MSRA: variants seen among roughly 807,000 people sequenced by gnomAD.
The protein encoded by MSRA is mitochondrial peptide methionine sulfoxide reductase.
In MSRA, 54 loss-of-function variants were observed where a neutral mutation model predicts 31.3. The observed-to-expected ratio is 1.73, with a 90% CI of 1.39 to 2.17. The LOEUF is 2.17. Among genes scored for constraint, MSRA ranks in the 30% most tolerant of loss-of-function variants. MSRA has a pLI of 0.00. For missense variants in MSRA, 507 were observed against 300.9 expected (o/e 1.69, Z -5.07); for synonymous variants, 169 against 116.5 (o/e 1.45, Z -2.90).
chr8:10,084,418 G>T (rs770727889), intron 1 of MSRA, among the ~76,000 whole-genome samples: 5 of 152,216 alleles, frequency 3.3e-5, no homozygotes, highest in Non-Finnish European at 5.9e-5. Flanking sequence ...TAGTCTTCTG[G>T]TCTCTTCTTC....
rs548765785 is a variant in MSRA, at chr8:10,228,068, G to A, written c.212-17036G>A. Among the ~76,000 whole-genome samples the A allele has an allele frequency of 3.9e-5, 6 of 152,288 alleles. No individual in the cohort carries two copies. In the South Asian group the frequency reaches 1.2e-3, roughly 32 times the overall value. ...AGCTGACCAGAAGAGACTTACTCCA[G>A]GCCACCAAGATGGTGTCTGGGAATG... On this transcript the variant is annotated intron_variant, in intron 2 of 5. Coordinates refer to ENST00000317173, the MANE Select transcript of MSRA (RefSeq NM_012331.5).
At chr8:10,272,920 T>A (rs1034045903) in intron 3 of MSRA, among the ~76,000 whole-genome samples, 2 of 152,150 alleles carry the variant, frequency 1.3e-5, no homozygotes, top group African/African-American at 4.8e-5. Context: ...TAGGAGAAAC[T>A]GCACAAGTTA....
At chr8:10,287,094 C>G (rs540343125) in intron 3 of MSRA, among the ~76,000 whole-genome samples, 1 of 152,168 alleles carries the variant, frequency 6.6e-6, no homozygotes, top group African/African-American at 2.4e-5. Context: ...GGGGCTCCTA[C>G]ATTAATTACT....
chr8:10,121,385 C>T (rs1395572066), intron 1 of MSRA, among the ~76,000 whole-genome samples: 1 of 152,104 alleles, frequency 6.6e-6, no homozygotes, highest in Non-Finnish European at 1.5e-5. Context: ...TTGTCATGGC[C>T]CCCACCTACC....
chr8:10,140,916 A>C (rs188313955), intron 1 of MSRA, among the ~76,000 whole-genome samples: 2 of 152,358 alleles, frequency 1.3e-5, no homozygotes, highest in African/African-American at 4.8e-5. Context: ...AAGAAAAAAA[A>C]TCAAGGACTC....
chr8:10,062,174 C>T (rs1209375376), intron 1 of MSRA, among the ~76,000 whole-genome samples: 1 of 152,202 alleles, frequency 6.6e-6, no homozygotes, highest in Non-Finnish European at 1.5e-5. Context: ...TGGGTCCCAG[C>T]AGCGTGCCAT....
chr8:10,095,890 A>T (rs895456572), intron 1 of MSRA: 2 of 1,293,244 alleles, frequency 1.5e-6, no homozygotes, highest in African/African-American at 1.5e-5. Flanking sequence ...TGCATGTATG[A>T]TTATACCATG....
chr8:10,225,848 C>G (rs564281424), intron 2 of MSRA, among the ~76,000 whole-genome samples: 7 of 152,102 alleles, frequency 4.6e-5, no homozygotes, highest in Non-Finnish European at 7.4e-5. Flanking sequence ...CCAAGCCATG[C>G]TGAAAGGCAG....
At chr8:10,250,627 G>A in intron 3 of MSRA, 1 of 614,756 alleles carries the variant, frequency 1.6e-6, no homozygotes. Context: ...CTGTTCAGCA[G>A]AGGTTTCGAG....
At chr8:10,142,528 C>G (rs865820136) in intron 1 of MSRA, among the ~76,000 whole-genome samples, 1 of 152,238 alleles carries the variant, frequency 6.6e-6, no homozygotes, top group African/African-American at 2.4e-5. Flanking sequence ...AGTAGCATTT[C>G]TGACAAAGGT....
intron 1 of MSRA, among the ~76,000 whole-genome samples, chr8:10,179,916 T>G (rs1385568315): frequency 6.6e-6 from 1 of 152,200 alleles, no homozygotes; most frequent in African/African-American, 2.4e-5. Context: ...GTGGGAAAAC[T>G]GTTTCCTCTA....
intron 3 of MSRA, chr8:10,250,686 C>G (rs966518524): frequency 3.6e-6 from 2 of 553,822 alleles, no homozygotes; most frequent in African/African-American, 1.9e-5. Context: ...CTCGTGTGAC[C>G]CTCTGGGGGT....
intron 1 of MSRA, among the ~76,000 whole-genome samples, chr8:10,106,136 C>A (rs4841281): frequency 1.3e-5 from 2 of 152,172 alleles, no homozygotes. Context: ...TGGGCAGATA[C>A]TAACAGCTGA....
intron 1 of MSRA, among the ~76,000 whole-genome samples, chr8:10,171,245 C>G (rs1051535441): frequency 6.6e-6 from 1 of 152,130 alleles, no homozygotes; most frequent in Non-Finnish European, 1.5e-5. Context: ...TTTAGAAATA[C>G]TTTGTCTTTC....
intron 5 of MSRA, among the ~76,000 whole-genome samples, chr8:10,426,939 G>C (rs1809206424): frequency 6.6e-6 from 1 of 152,194 alleles, no homozygotes; most frequent in Non-Finnish European, 1.5e-5. Context: ...CACCCGTCTT[G>C]GCGGGGACCC....
At chr8:10,105,890 C>G (rs1323802181) in intron 1 of MSRA, among the ~76,000 whole-genome samples, 1 of 152,194 alleles carries the variant, frequency 6.6e-6, no homozygotes, top group Non-Finnish European at 1.5e-5. Flanking sequence ...AAAGAACACA[C>G]AGAAGATATA....
At chr8:10,389,140 C>G (rs1477852882) in intron 5 of MSRA, among the ~76,000 whole-genome samples, 1 of 152,134 alleles carries the variant, frequency 6.6e-6, no homozygotes, top group Non-Finnish European at 1.5e-5. Flanking sequence ...AAAACACTCA[C>G]CCACTCCTGG....
chr8:10,240,145 A>G (rs7818071), intron 2 of MSRA, among the ~76,000 whole-genome samples: 4,073 of 152,302 alleles, frequency 0.027, 96 homozygotes, highest in African/African-American at 0.065. Context: ...GAATACATGT[A>G]TGTGAGTGTA....
At chr8:10,368,503 A>G (rs549549681) in intron 5 of MSRA, among the ~76,000 whole-genome samples, 1 of 152,328 alleles carries the variant, frequency 6.6e-6, no homozygotes, top group Non-Finnish European at 1.5e-5. Context: ...GGCCATAGGC[A>G]GCAGAGGGGC....
Sources: allele counts gnomAD v4.1 joint callset (sites outside exome capture counted in the v4.1 genomes callset), GRCh38; gene constraint gnomAD v4.1.1; transcripts MANE v1.5; gene names NCBI Gene and HGNC (gene_info 2026-07-23, HGNC 2026-07-21).